IL1RAPL1: variants seen among roughly 807,000 people sequenced by gnomAD.
The protein encoded by IL1RAPL1 is interleukin 1 receptor accessory protein like 1, also known as interleukin-1 receptor accessory protein-like 1.
In IL1RAPL1, 3 loss-of-function variants were observed where a neutral mutation model predicts 48.4. The observed-to-expected ratio is 0.06, with a 90% CI of 0.03 to 0.16. IL1RAPL1 has a LOEUF of 0.16. IL1RAPL1 is among the 10% of genes least tolerant of loss of function. The pLI, the probability that IL1RAPL1 is intolerant of heterozygous loss-of-function variation, is 1.00. For missense variants in IL1RAPL1, 349 were observed against 530.6 expected (o/e 0.66, Z 3.36); for synonymous variants, 185 against 187.7 (o/e 0.99, Z 0.12).
In IL1RAPL1 at chrX:29,927,888, A is replaced by AGGAG. The variant is rs1229286766; in HGVS notation, c.1057+7815_1057+7818dup. ...TTGGTCAATGATATGCTTCAAAAGC[A>AGGAG]GGAGGGAGGGAGGGAGGGAGGGAGA... On this transcript the variant is annotated intron_variant, in intron 8 of 10. Coordinates refer to ENST00000378993, the MANE Select transcript of IL1RAPL1 (RefSeq NM_014271.4). 2.7e-3 allele frequency among the ~76,000 whole-genome samples: 225 copies of AGGAG among 84,045 alleles called. 2 individuals carry two copies. The highest frequency in any genetic ancestry group is 8.7e-3 in the African/African-American group (193 of 22,067). 73.0% of individuals were successfully genotyped at this position (84,045 alleles called of 115,157 possible). A position where few individuals can be genotyped will look rare whatever the true frequency, so the allele number is the denominator to read the frequency against.
chrX:29,803,002 C>T (rs1312159465), intron 6 of IL1RAPL1, among the ~76,000 whole-genome samples: 12 of 66,819 alleles, frequency 1.8e-4, no homozygotes, highest in Admixed American at 1.6e-4. Flanking sequence ...TATATGTATG[C>T]ATATATACAT....
chrX:28,848,877 G>A (rs1490626059), intron 2 of IL1RAPL1, among the ~76,000 whole-genome samples: 2 of 111,382 alleles, frequency 1.8e-5, no homozygotes, highest in Non-Finnish European at 3.8e-5. Flanking sequence ...CTCAAATATT[G>A]GACTTTCAGA....
chrX:29,822,807 G>C (rs914941858), intron 6 of IL1RAPL1, among the ~76,000 whole-genome samples: 8 of 111,386 alleles, frequency 7.2e-5, no homozygotes, highest in Admixed American at 4.8e-4. Flanking sequence ...CCTCGACTTT[G>C]GAGAATTAAA....
chrX:29,091,650 G>A (rs867124743), intron 2 of IL1RAPL1, among the ~76,000 whole-genome samples: 3 of 111,020 alleles, frequency 2.7e-5, no homozygotes, highest in Non-Finnish European at 5.7e-5. Context: ...TGAAATGAGA[G>A]TATAGATTTA....
At chrX:29,760,349 G>A (rs1474884116) in intron 6 of IL1RAPL1, among the ~76,000 whole-genome samples, 4 of 111,723 alleles carry the variant, frequency 3.6e-5, no homozygotes, top group African/African-American at 9.8e-5. Flanking sequence ...TTGTGATATC[G>A]TAGTATGGTT....
At chrX:28,837,333 CT>C (rs1479167948) in intron 2 of IL1RAPL1, among the ~76,000 whole-genome samples, 2 of 110,980 alleles carry the variant, frequency 1.8e-5, no homozygotes, top group Non-Finnish European at 3.8e-5. Flanking sequence ...GAGAGACTGG[CT>C]GACACTCCTC....
chrX:29,915,974 C>T (rs1457431793), intron 6 of IL1RAPL1, among the ~76,000 whole-genome samples: 1 of 93,039 alleles, frequency 1.1e-5, no homozygotes, highest in African/African-American at 4.0e-5. Flanking sequence ...TGTTCAATTC[C>T]CACGTATGAG....
intron 1 of IL1RAPL1, among the ~76,000 whole-genome samples, chrX:28,606,968 A>G (rs1030035879): frequency 5.4e-5 from 6 of 111,482 alleles, no homozygotes; most frequent in African/African-American, 2.0e-4. Context: ...GATTCAATAG[A>G]AAATAAATAC....
At chrX:29,393,038 G>A (rs1224490284) in intron 3 of IL1RAPL1, among the ~76,000 whole-genome samples, 1 of 111,902 alleles carries the variant, frequency 8.9e-6, no homozygotes, top group Non-Finnish European at 1.9e-5. Context: ...TATTGTATTC[G>A]TTTCCCACAG....
At chrX:29,064,629 T>C (rs1182725225) in intron 2 of IL1RAPL1, among the ~76,000 whole-genome samples, 3 of 111,865 alleles carry the variant, frequency 2.7e-5, no homozygotes, top group Non-Finnish European at 5.6e-5. Flanking sequence ...TCGTCCAGGC[T>C]GGAGTGCAGT....
intron 3 of IL1RAPL1, among the ~76,000 whole-genome samples, chrX:29,373,554 G>A (rs1933574925): frequency 9.0e-6 from 1 of 111,034 alleles, no homozygotes; most frequent in Non-Finnish European, 1.9e-5. Flanking sequence ...CTATGGGTTT[G>A]TCATAGATGG....
At chrX:29,500,294 T>A (rs1935258759) in intron 5 of IL1RAPL1, among the ~76,000 whole-genome samples, 1 of 112,518 alleles carries the variant, frequency 8.9e-6, no homozygotes, top group South Asian at 3.7e-4. Context: ...ATTATTCTTT[T>A]GTAGTTATTT....
chrX:29,628,887 A>G (rs1924689052), intron 5 of IL1RAPL1, among the ~76,000 whole-genome samples: 1 of 112,359 alleles, frequency 8.9e-6, no homozygotes, highest in Admixed American at 9.4e-5. Context: ...TCTGAGAGCT[A>G]TCAGTTGACT....
chrX:29,332,612 A>T (rs966758938), intron 3 of IL1RAPL1, among the ~76,000 whole-genome samples: 11 of 15,931 alleles, frequency 6.9e-4, no homozygotes, highest in African/African-American at 1.4e-3. Context: ...CCCATATTTT[A>T]TTTATTTATT....
intron 5 of IL1RAPL1, among the ~76,000 whole-genome samples, chrX:29,490,004 A>G (rs1427644531): frequency 3.6e-5 from 4 of 111,029 alleles, no homozygotes; most frequent in Admixed American, 1.9e-4. Flanking sequence ...TCTACATAGG[A>G]CTTATTAATC....
intron 5 of IL1RAPL1, among the ~76,000 whole-genome samples, chrX:29,570,885 G>C (rs1173617211): frequency 8.9e-6 from 1 of 112,400 alleles, no homozygotes; most frequent in Non-Finnish European, 1.9e-5. Flanking sequence ...ATGGAAAACA[G>C]ATTGTGTATC....
chrX:28,954,903 T>A (rs755350404), intron 2 of IL1RAPL1, among the ~76,000 whole-genome samples: 5 of 111,887 alleles, frequency 4.5e-5, no homozygotes, highest in Non-Finnish European at 9.4e-5. Context: ...TTCATGTCAT[T>A]TGCCTGGTTT....
At chrX:29,562,000 C>G (rs1395686818) in intron 5 of IL1RAPL1, among the ~76,000 whole-genome samples, 1 of 110,341 alleles carries the variant, frequency 9.1e-6, no homozygotes, top group Non-Finnish European at 1.9e-5. Context: ...GATATGAATT[C>G]TTTTTATTTT....
intron 1 of IL1RAPL1, among the ~76,000 whole-genome samples, chrX:28,646,550 T>G (rs1934613014): frequency 8.9e-6 from 1 of 112,605 alleles, no homozygotes; most frequent in Non-Finnish European, 1.9e-5. Flanking sequence ...AAATTCCAGT[T>G]GTAGATTTGT....
Sources: gnomAD v4.1 joint callset for allele counts (sites outside exome capture counted in the v4.1 genomes callset) on GRCh38, gnomAD v4.1.1 for gene constraint, MANE v1.5 for transcripts, NCBI Gene and HGNC (gene_info 2026-07-23, HGNC 2026-07-21) for gene names.